The following KCNJ3 variants were observed in gnomAD, a reference collection of about 807,000 sequenced individuals.
KCNJ3 encodes the protein G protein-activated inward rectifier potassium channel 1.
Under a neutral mutation model 39.2 loss-of-function variants are expected in KCNJ3, and 4 were observed. The observed-to-expected ratio is 0.10, with a 90% CI of 0.05 to 0.23. The LOEUF is 0.23. KCNJ3 is among the 10% of genes least tolerant of loss of function. KCNJ3 has a pLI of 1.00. For missense variants in KCNJ3, 276 were observed against 634.9 expected (o/e 0.43, Z 6.08); for synonymous variants, 230 against 237.4 (o/e 0.97, Z 0.29).
intron 2 of KCNJ3, among the ~76,000 whole-genome samples, chr2:154,760,650 C>T (rs925651074): frequency 2.6e-5 from 4 of 151,594 alleles, no homozygotes; most frequent in African/African-American, 7.3e-5. Context: ...ACCTCCTGGG[C>T]TGAACTGATC....
intron 2 of KCNJ3, among the ~76,000 whole-genome samples, chr2:154,839,326 G>A (rs1245905527): frequency 6.6e-6 from 1 of 152,134 alleles, no homozygotes; most frequent in Non-Finnish European, 1.5e-5. Context: ...TCTTAATCCA[G>A]TCTATCATTG....
At chr2:154,787,874 C>T (rs1338727588) in intron 2 of KCNJ3, among the ~76,000 whole-genome samples, 1 of 152,078 alleles carries the variant, frequency 6.6e-6, no homozygotes, top group Non-Finnish European at 1.5e-5. Context: ...TGCTGTCAAA[C>T]TAAATGAGAT....
intron 2 of KCNJ3, among the ~76,000 whole-genome samples, chr2:154,715,849 C>T (rs1685171810): frequency 6.6e-6 from 1 of 152,074 alleles, no homozygotes; most frequent in African/African-American, 2.4e-5. Flanking sequence ...TTTTTTATTA[C>T]TTATCTCCTA....
intron 2 of KCNJ3, among the ~76,000 whole-genome samples, chr2:154,763,151 T>C (rs1686074428): frequency 1.3e-5 from 2 of 152,238 alleles, no homozygotes; most frequent in African/African-American, 4.8e-5. Flanking sequence ...AGAACTTTAT[T>C]AAAAGCATAA....
chr2:154,790,788 G>C (rs532268460), intron 2 of KCNJ3, among the ~76,000 whole-genome samples: 9 of 152,120 alleles, frequency 5.9e-5, no homozygotes, highest in East Asian at 3.9e-4. Flanking sequence ...CCAGCAGAAA[G>C]ACGTATGGAA....
At chr2:154,742,628 T>C (rs917951704) in intron 2 of KCNJ3, among the ~76,000 whole-genome samples, 12 of 151,978 alleles carry the variant, frequency 7.9e-5, no homozygotes, top group African/African-American at 2.9e-4. Flanking sequence ...TGATGACTGA[T>C]ACTGAGCATC....
intron 2 of KCNJ3, among the ~76,000 whole-genome samples, chr2:154,821,915 A>G (rs538527641): frequency 2.6e-5 from 4 of 152,036 alleles, no homozygotes; most frequent in African/African-American, 9.6e-5. Context: ...TGCTGGGATT[A>G]CAGGAGTGAG....
intron 2 of KCNJ3, among the ~76,000 whole-genome samples, chr2:154,783,535 T>G (rs1261163016): frequency 6.6e-6 from 1 of 152,184 alleles, no homozygotes; most frequent in Non-Finnish European, 1.5e-5. Flanking sequence ...AAAAAACACA[T>G]ATAGAAGATA....
intron 2 of KCNJ3, among the ~76,000 whole-genome samples, chr2:154,838,868 A>G (rs1219760267): frequency 2.6e-5 from 4 of 152,164 alleles, no homozygotes; most frequent in Non-Finnish European, 5.9e-5. Flanking sequence ...TCTCTATGCT[A>G]GTGATAATGT....
intron 2 of KCNJ3, among the ~76,000 whole-genome samples, chr2:154,724,223 T>G (rs1263777720): frequency 6.6e-6 from 1 of 152,242 alleles, no homozygotes; most frequent in South Asian, 2.1e-4. Context: ...TAAAATACCA[T>G]GAAGATCTGA....
Position 154,857,978 on chromosome 2 carries a change from GATT to G in KCNJ3, c.*2669_*2671del, listed in dbSNP as rs1687872064. On this transcript the variant is annotated 3_prime_UTR_variant, in exon 3 of 3. Transcript: ENST00000295101. Reference sequence around the variant, plus strand: ...AAAGTAACTGTGTGGAATAAAAATTGATTATTTTAGAAAATGTGACTGGCTTAG... The same window carrying G: ...AAAGTAACTGTGTGGAATAAAAATTGATTTTAGAAAATGTGACTGGCTTAG... 3 of 134,048 alleles carry G rather than the reference GATT, an allele frequency of 2.2e-5. No individual in the cohort carries two copies. In the Admixed American group the frequency reaches 2.3e-4, roughly 10 times the overall value. The allele number at this position is 134,048 out of a possible 1,614,324, so 8.3% of individuals were successfully genotyped here. A position where few individuals can be genotyped will look rare whatever the true frequency, so the allele number is the denominator to read the frequency against.
At chr2:154,786,315 C>T (rs1250592773) in intron 2 of KCNJ3, among the ~76,000 whole-genome samples, 4 of 152,172 alleles carry the variant, frequency 2.6e-5, no homozygotes, top group African/African-American at 9.6e-5. Context: ...TTATAAACAT[C>T]TCTTTCTATA....
At chr2:154,726,796 TAC>T (rs58366846) in intron 2 of KCNJ3, among the ~76,000 whole-genome samples, 3,347 of 115,342 alleles carry the variant, frequency 0.029, 41 homozygotes, top group Middle Eastern at 0.13. Flanking sequence ...TTTATATACA[TAC>T]ACACACACAC....
chr2:154,745,342 A>G (rs993154629), intron 2 of KCNJ3, among the ~76,000 whole-genome samples: 8 of 152,004 alleles, frequency 5.3e-5, no homozygotes, highest in South Asian at 2.1e-4. Context: ...ATTGCTGACA[A>G]TTAGTATATT....
chr2:154,709,960 A>G (rs951047471), intron 2 of KCNJ3, 141 bp downstream of exon 2: 37 of 992,334 alleles, frequency 3.7e-5, no homozygotes, highest in Non-Finnish European at 5.2e-5. Context: ...ATTTCTTTGT[A>G]ACATTAAATT....
intron 2 of KCNJ3, among the ~76,000 whole-genome samples, chr2:154,758,629 T>C (rs1441714219): frequency 1.3e-5 from 2 of 152,198 alleles, no homozygotes; most frequent in African/African-American, 2.4e-5. Context: ...AATCCCTAGT[T>C]GGTTGAATCC....
intron 1 of KCNJ3, among the ~76,000 whole-genome samples, chr2:154,701,493 T>C (rs1273177026): frequency 6.6e-6 from 1 of 152,078 alleles, no homozygotes; most frequent in Non-Finnish European, 1.5e-5. Flanking sequence ...ATTTTCTTCA[T>C]ACAAAGGTAC....
At chr2:154,762,038 C>G (rs970324563) in intron 2 of KCNJ3, among the ~76,000 whole-genome samples, 1 of 152,076 alleles carries the variant, frequency 6.6e-6, no homozygotes, top group East Asian at 1.9e-4. Flanking sequence ...GGCCAGTAGT[C>G]AAGGAATGTG....
At chr2:154,746,360 T>TTGC (rs1685742745) in intron 2 of KCNJ3, among the ~76,000 whole-genome samples, 1 of 151,744 alleles carries the variant, frequency 6.6e-6, no homozygotes, top group Non-Finnish European at 1.5e-5. Flanking sequence ...CCCACATTGT[T>TTGC]TAAGGGTGAA....
Sources: gnomAD v4.1 joint callset for allele counts (sites outside exome capture counted in the v4.1 genomes callset) on GRCh38, gnomAD v4.1.1 for gene constraint, MANE v1.5 for transcripts, NCBI Gene and HGNC (gene_info 2026-07-23, HGNC 2026-07-21) for gene names.